MRPS6: variants seen among roughly 807,000 people sequenced by gnomAD.
MRPS6 encodes the protein small ribosomal subunit protein bS6m.
Under a neutral mutation model 13.1 loss-of-function variants are expected in MRPS6, and 6 were observed. The ratio of observed to expected loss-of-function variants is 0.46; its 90% CI spans 0.25 to 0.91. MRPS6 has a LOEUF of 0.91. MRPS6 is among the 40% of genes least tolerant of loss of function. The pLI is 0.18. For synonymous variants in MRPS6, 61 were observed against 56.5 expected (o/e 1.08, Z -0.36); for missense variants, 164 against 155.6 (o/e 1.05, Z -0.29).
rs1473040939 is a variant in MRPS6, at chr21:34,108,588, C to G, written c.46-16753C>G. The stretch of plus-strand genomic sequence containing the variant: ...CAGTGGTTTCTTTTTAGCCTTCCCT[C>G]GGTGTTTGTATTTCTCTTCTCCAGC... On this transcript the variant is annotated intron_variant, in intron 1 of 2. Coordinates refer to ENST00000399312, the MANE Select transcript of MRPS6 (RefSeq NM_032476.4). Among the ~76,000 whole-genome samples the G allele has an allele frequency of 2.0e-5, 3 of 152,180 alleles. No individual in the cohort carries two copies. In the South Asian group the frequency reaches 6.2e-4, roughly 31 times the overall value.
intron 1 of MRPS6, chr21:34,122,899 A>G (rs556987614): frequency 1.3e-5 from 2 of 152,328 alleles, no homozygotes; most frequent in South Asian, 2.1e-4. Context: ...TTTGTGAACT[A>G]TAATGAAATG....
chr21:34,083,854 T>G (rs552988714), intron 1 of MRPS6, among the ~76,000 whole-genome samples: 103 of 152,160 alleles, frequency 6.8e-4, no homozygotes, highest in Non-Finnish European at 2.1e-4. Flanking sequence ...TCTTGAGTAT[T>G]TTATCTGATT....
intron 2 of MRPS6, among the ~76,000 whole-genome samples, chr21:34,126,650 A>C (rs1299636980): frequency 6.6e-6 from 1 of 152,220 alleles, no homozygotes; most frequent in Non-Finnish European, 1.5e-5. Context: ...TTAACAGCGC[A>C]GTTATGGATC....
At chr21:34,079,012 C>T (rs1277050610) in intron 1 of MRPS6, among the ~76,000 whole-genome samples, 1 of 152,182 alleles carries the variant, frequency 6.6e-6, no homozygotes, top group Non-Finnish European at 1.5e-5. Flanking sequence ...ATCAATTTGT[C>T]TAAAGGAAGA....
chr21:34,132,554 T>C (rs1348290258), intron 2 of MRPS6, among the ~76,000 whole-genome samples: 1 of 152,218 alleles, frequency 6.6e-6, no homozygotes, highest in Admixed American at 6.5e-5. Context: ...GAAAGCCCAG[T>C]GTTAGGATTT....
intron 1 of MRPS6, among the ~76,000 whole-genome samples, chr21:34,116,879 C>T (rs1328117598): frequency 6.6e-6 from 1 of 152,064 alleles, no homozygotes; most frequent in African/African-American, 2.4e-5. Flanking sequence ...AAGATAAATT[C>T]CCCTACACTC....
intron 1 of MRPS6, among the ~76,000 whole-genome samples, 158 bp downstream of exon 1, chr21:34,073,903 G>A (rs1250925242): frequency 1.4e-5 from 2 of 145,602 alleles, no homozygotes; most frequent in Non-Finnish European, 3.1e-5. Context: ...CCGCGGGAAG[G>A]GGGCGCGCGT....
intron 1 of MRPS6, chr21:34,095,316 T>C: frequency 6.2e-7 from 1 of 1,614,154 alleles, no homozygotes; most frequent in African/African-American, 1.3e-5. Flanking sequence ...GAGTGGATAC[T>C]TCCTGGCGGG....
intron 1 of MRPS6, among the ~76,000 whole-genome samples, chr21:34,121,151 A>G (rs1420145834): frequency 1.3e-5 from 2 of 152,212 alleles, no homozygotes; most frequent in Non-Finnish European, 2.9e-5. Context: ...TAGTGCTGTT[A>G]GAAGTAAAAA....
intron 1 of MRPS6, among the ~76,000 whole-genome samples, chr21:34,116,178 T>TTTTGTG (rs776604104): frequency 2.1e-5 from 3 of 141,284 alleles, no homozygotes; most frequent in Non-Finnish European, 3.1e-5. Context: ...CCAGCTAATT[T>TTTTGTG]TGTGTGTGTG....
intron 2 of MRPS6, among the ~76,000 whole-genome samples, chr21:34,132,547 A>G (rs1980542006): frequency 1.3e-5 from 2 of 152,202 alleles, no homozygotes; most frequent in Non-Finnish European, 2.9e-5. Context: ...AAGCTAGGAA[A>G]GCCCAGTGTT....
At chr21:34,120,315 G>T (rs1240265248) in intron 1 of MRPS6, among the ~76,000 whole-genome samples, 1 of 152,074 alleles carries the variant, frequency 6.6e-6, no homozygotes. Context: ...TGATGGGAAG[G>T]TCACTACTTC....
intron 1 of MRPS6, among the ~76,000 whole-genome samples, chr21:34,115,957 C>CAGG (rs1255307554): frequency 6.6e-6 from 1 of 151,108 alleles, no homozygotes; most frequent in Admixed American, 6.6e-5. Flanking sequence ...ATGTACTCTC[C>CAGG]ATGCTGATTT....
At chr21:34,102,642 C>G in intron 1 of MRPS6, 1 of 1,000,072 alleles carries the variant, frequency 1.0e-6, no homozygotes, top group Non-Finnish European at 1.2e-6. Flanking sequence ...ATTTGGTTAC[C>G]TGGGTTCACA....
intron 1 of MRPS6, chr21:34,103,816 T>C (rs1259172838): frequency 1.0e-6 from 1 of 999,992 alleles, no homozygotes; most frequent in Non-Finnish European, 1.2e-6. Flanking sequence ...AATATAAATG[T>C]CAAGAATGCC....
intron 2 of MRPS6, among the ~76,000 whole-genome samples, chr21:34,129,833 T>G (rs958057278): frequency 2.6e-5 from 4 of 152,134 alleles, no homozygotes; most frequent in African/African-American, 9.7e-5. Flanking sequence ...CCTTGGAGGT[T>G]TCTTTTTAGT....
At chr21:34,133,530 C>T (rs1378140117) in intron 2 of MRPS6, among the ~76,000 whole-genome samples, 2 of 152,128 alleles carry the variant, frequency 1.3e-5, no homozygotes, top group African/African-American at 2.4e-5. Context: ...ATAAGTAAGA[C>T]CAAGACAGCC....
At chr21:34,089,413 A>G (rs1978565919) in intron 1 of MRPS6, among the ~76,000 whole-genome samples, 1 of 151,820 alleles carries the variant, frequency 6.6e-6, no homozygotes, top group Non-Finnish European at 1.5e-5. Context: ...AGTTAAAACC[A>G]GTAGTAGTTT....
intron 1 of MRPS6, chr21:34,097,060 A>T (rs1245329674): frequency 2.5e-6 from 4 of 1,614,146 alleles, no homozygotes; most frequent in Non-Finnish European, 2.5e-6. Flanking sequence ...TCCTTAGGTC[A>T]TTCAGAGGCA....
Sources: gnomAD v4.1 joint callset for allele counts (sites outside exome capture counted in the v4.1 genomes callset) on GRCh38, gnomAD v4.1.1 for gene constraint, MANE v1.5 for transcripts, NCBI Gene and HGNC (gene_info 2026-07-23, HGNC 2026-07-21) for gene names.